Variants in PIK3C3 observed in about 807,000 individuals in gnomAD.
PIK3C3 encodes the protein phosphatidylinositol 3-kinase catalytic subunit type 3.
PIK3C3 carries 95 observed loss-of-function variants against 126.1 expected under a neutral mutation model. The observed-to-expected ratio is 0.75, with a 90% CI of 0.64 to 0.89. The LOEUF (loss-of-function observed/expected upper bound fraction) is 0.89. Among genes scored for constraint, PIK3C3 ranks in the 40% least tolerant of loss-of-function variants. The pLI is 0.00. For synonymous variants in PIK3C3, 374 were observed against 360.0 expected (o/e 1.04, Z -0.44); for missense variants, 829 against 1,063.2 (o/e 0.78, Z 3.06).
chr18:41,990,676 C>A, intron 6 of PIK3C3, 122 bp downstream of exon 6: 1 of 606,520 alleles, frequency 1.6e-6, no homozygotes, highest in Non-Finnish European at 2.9e-6. Flanking sequence ...CAGCTGTCAG[C>A]AGCAGCTGTT....
chr18:41,956,730 T>G (rs1255633002), intron 1 of PIK3C3, among the ~76,000 whole-genome samples: 1 of 152,148 alleles, frequency 6.6e-6, no homozygotes, highest in Non-Finnish European at 1.5e-5. Context: ...CTGATTTATC[T>G]TACTGTAATG....
Position 41,970,356 on chromosome 18 carries a change from A to G in PIK3C3, c.431A>G (p.Lys144Arg), listed in dbSNP as rs1490459571. 1.9e-6 allele frequency: 3 copies of G among 1,613,504 alleles called. No homozygotes were observed. The highest frequency in any genetic ancestry group is 2.5e-6 in the Non-Finnish European group (3 of 1,179,596). ...GMFRQGMHDL[K>R]VWPNVEADGS... is the part of the protein sequence containing the mutation. ...TTTCGCCAAGGGATGCATGACTTGA[A>G]AGTCTGGCCTAATGTAGAAGCAGAT... The change falls in exon 4 of 25, where the codon AAA becomes AGA. Residue 144 changes from lysine (K) to arginine (R), a missense_variant. Around this residue, in one of 4 missense-constraint regions of PIK3C3, gnomAD observed 313 missense variants for 340.7 expected, o/e 0.92. Transcript: ENST00000262039.
intron 10 of PIK3C3, among the ~76,000 whole-genome samples, chr18:42,009,601 T>G (rs1007676407): frequency 4.6e-5 from 7 of 151,078 alleles, no homozygotes; most frequent in Admixed American, 3.9e-4. Flanking sequence ...CATTATGTAA[T>G]GTACATTATG....
chr18:42,076,089 CATATATATATATATATATATATATAT>C (rs71174077), intron 24 of PIK3C3, among the ~76,000 whole-genome samples: 1 of 54,660 alleles, frequency 1.8e-5, no homozygotes, highest in Non-Finnish European at 3.3e-5. Context: ...CTTTACCTTG[CATATATATATATATATATATATATAT>C]ATATATGCGC....
At chr18:41,994,196 A>G (rs919698116) in intron 7 of PIK3C3, among the ~76,000 whole-genome samples, 1 of 152,152 alleles carries the variant, frequency 6.6e-6, no homozygotes, top group African/African-American at 2.4e-5. Flanking sequence ...GGCAGCAGGG[A>G]AAGTAGAGTA....
chr18:41,987,464 AAG>A (rs1475057940), intron 4 of PIK3C3, among the ~76,000 whole-genome samples: 1 of 152,036 alleles, frequency 6.6e-6, no homozygotes, highest in Non-Finnish European at 1.5e-5. Context: ...AAAAGAGAAA[AAG>A]TGGTTTATTT....
At chr18:41,997,799 T>C (rs1187801538) in intron 9 of PIK3C3, among the ~76,000 whole-genome samples, 1 of 152,106 alleles carries the variant, frequency 6.6e-6, no homozygotes, top group Non-Finnish European at 1.5e-5. Context: ...TGCCTCTTGA[T>C]ATGCTTGCAT....
At chr18:41,986,780 A>G (rs1289086261) in intron 4 of PIK3C3, among the ~76,000 whole-genome samples, 1 of 152,132 alleles carries the variant, frequency 6.6e-6, no homozygotes, top group Non-Finnish European at 1.5e-5. Context: ...TCATATAGAA[A>G]TTACCTCACA....
intron 4 of PIK3C3, among the ~76,000 whole-genome samples, chr18:41,983,221 T>G (rs1043135642): frequency 3.3e-5 from 5 of 152,170 alleles, no homozygotes; most frequent in African/African-American, 1.2e-4. Context: ...AGAACTTGCT[T>G]CTTTTGTTCA....
intron 13 of PIK3C3, among the ~76,000 whole-genome samples, chr18:42,024,792 TA>T (rs1160518668): frequency 6.6e-6 from 1 of 151,106 alleles, no homozygotes; most frequent in African/African-American, 2.4e-5. Flanking sequence ...AGCATCAACA[TA>T]TTTTTTTTCT....
At chr18:42,037,006 G>T (rs1216420642) in intron 16 of PIK3C3, among the ~76,000 whole-genome samples, 1 of 152,178 alleles carries the variant, frequency 6.6e-6, no homozygotes, top group East Asian at 1.9e-4. Context: ...TTCAGTTTAT[G>T]TGTGTAGGGT....
Position 42,020,622 on chromosome 18 carries a change from C to A in PIK3C3, c.1417-16C>A, listed in dbSNP as rs1050182649. 1.7e-5 allele frequency: 26 copies of A among 1,550,808 alleles called. No homozygotes were observed. The highest frequency in any genetic ancestry group is 2.3e-5 in the Non-Finnish European group (26 of 1,132,110). On this transcript the variant is annotated splice_polypyrimidine_tract_variant and intron_variant, in intron 12 of 24. Transcript: ENST00000262039. ...GTAGATGATAATATATAATACATTT[C>A]TTTTAATTCTTTCAGCAAGATCTCT...
chr18:42,067,577 AGAGCCAT>A, intron 24 of PIK3C3, 64 bp downstream of exon 24: 1 of 1,553,636 alleles, frequency 6.4e-7, no homozygotes, highest in Non-Finnish European at 8.8e-7. Flanking sequence ...GAGTCCTTGG[AGAGCCAT>A]GCATTTCTCC....
chr18:42,033,755 A>T, intron 15 of PIK3C3, 71 bp from the exon 16 acceptor site: 1 of 1,155,042 alleles, frequency 8.7e-7, no homozygotes, highest in Non-Finnish European at 1.2e-6. Flanking sequence ...ATCAATTTTT[A>T]TGTCTTTACT....
Position 42,004,429 on chromosome 18 carries a change from G to GA in PIK3C3, c.1062dup (p.Trp355MetfsTer35), listed in dbSNP as rs1567978675. 1.2e-6 allele frequency: 2 copies of GA among 1,613,804 alleles called. No individual in the cohort carries two copies. Among genetic ancestry groups the GA allele is most frequent in the Non-Finnish European group, 1.7e-6 (2 of 1,179,846 alleles). ...GCCAAACAGGCCTTGGAACTTCTGG[G>GA]AAAATGGAAGCCGATGGATGTAGAG... On this transcript the variant is annotated frameshift_variant, in exon 10 of 25. Coordinates refer to ENST00000262039, the MANE Select transcript of PIK3C3 (RefSeq NM_002647.4). LOFTEE classifies it high-confidence loss of function.
intron 16 of PIK3C3, among the ~76,000 whole-genome samples, 185 bp from the exon 17 acceptor site, chr18:42,037,507 T>C (rs980914570): frequency 6.6e-6 from 1 of 152,244 alleles, no homozygotes; most frequent in Admixed American, 6.5e-5. Context: ...TGTAGTCTTC[T>C]GACTACTAGC....
chr18:42,068,044 C>T (rs952486293), intron 24 of PIK3C3, among the ~76,000 whole-genome samples: 5 of 152,244 alleles, frequency 3.3e-5, no homozygotes, highest in East Asian at 3.9e-4. Context: ...GGTTAGCAAA[C>T]GGAAAAATTA....
At chr18:42,015,164 C>A (rs1983013637) in intron 11 of PIK3C3, among the ~76,000 whole-genome samples, 1 of 151,984 alleles carries the variant, frequency 6.6e-6, no homozygotes, top group Non-Finnish European at 1.5e-5. Context: ...GAATCTTGGC[C>A]AGATATGTTT....
chr18:41,994,500 A>G (rs1262103906), intron 7 of PIK3C3, among the ~76,000 whole-genome samples: 5 of 152,128 alleles, frequency 3.3e-5, no homozygotes, highest in Non-Finnish European at 5.9e-5. Flanking sequence ...AAAACAGACT[A>G]TAATTACAAT....
Sources: allele counts gnomAD v4.1 joint callset (sites outside exome capture counted in the v4.1 genomes callset), GRCh38; gene constraint gnomAD v4.1.1; regional missense constraint gnomAD v4.1.1; transcripts MANE v1.5; gene names NCBI Gene and HGNC (gene_info 2026-07-23, HGNC 2026-07-21).